PLD1: variants seen among roughly 807,000 people sequenced by gnomAD.
The protein encoded by PLD1 is choline phosphatase 1.
In PLD1, 112 loss-of-function variants were observed where a neutral mutation model predicts 137.1. The ratio of observed to expected loss-of-function variants is 0.82; its 90% confidence interval spans 0.70 to 0.96. The LOEUF (loss-of-function observed/expected upper bound fraction) is 0.96. Ranked by LOEUF, PLD1 falls within the 40% of genes least tolerant of loss-of-function variation. The pLI is 0.00. For missense variants in PLD1, 1,321 were observed against 1,342.0 expected (o/e 0.98, Z 0.24); for synonymous variants, 431 against 454.7 (o/e 0.95, Z 0.66).
At chr3:171,637,393 G>A (rs796188190) in intron 23 of PLD1, among the ~76,000 whole-genome samples, 2 of 139,062 alleles carry the variant, frequency 1.4e-5, no homozygotes, top group South Asian at 2.6e-4. Context: ...ATGCCACCAC[G>A]CCCAGCTAAT....
At chr3:171,712,145 C>T (rs1341950456) in intron 9 of PLD1, among the ~76,000 whole-genome samples, 1 of 152,194 alleles carries the variant, frequency 6.6e-6, no homozygotes, top group African/African-American at 2.4e-5. Flanking sequence ...AACCTGCTTT[C>T]CTCAATATGT....
intron 6 of PLD1, 81 bp downstream of exon 6, chr3:171,733,363 T>C: frequency 1.5e-6 from 1 of 657,694 alleles, no homozygotes; most frequent in Non-Finnish European, 2.8e-6. Flanking sequence ...ATCACTTGTG[T>C]TATTAAAATG....
At chr3:171,697,370 G>A (rs561292954) in intron 12 of PLD1, among the ~76,000 whole-genome samples, 4,504 of 148,876 alleles carry the variant, frequency 0.03, 165 homozygotes, top group African/African-American at 0.09. Context: ...TCAGCCTCCC[G>A]GGTAGCTGGG....
intron 1 of PLD1, among the ~76,000 whole-genome samples, chr3:171,745,362 G>A (rs546732170): frequency 9.2e-5 from 14 of 152,334 alleles, no homozygotes; most frequent in African/African-American, 3.4e-4. Flanking sequence ...GTTGTGAGTG[G>A]TGGGACTGGT....
intron 23 of PLD1, among the ~76,000 whole-genome samples, chr3:171,632,605 C>A (rs1000817197): frequency 6.6e-6 from 1 of 151,860 alleles, no homozygotes; most frequent in African/African-American, 2.4e-5. Flanking sequence ...AAAAAAATCC[C>A]TACATCTATA....
At chr3:171,605,999 T>A (rs554612713) in intron 25 of PLD1, among the ~76,000 whole-genome samples, 1 of 152,326 alleles carries the variant, frequency 6.6e-6, no homozygotes, top group African/African-American at 2.4e-5. Context: ...CTGACTTACA[T>A]ATTAAAATAC....
intron 23 of PLD1, among the ~76,000 whole-genome samples, chr3:171,624,413 T>C (rs1733907792): frequency 1.3e-5 from 2 of 152,164 alleles, no homozygotes; most frequent in African/African-American, 2.4e-5. Flanking sequence ...CTCTCATATA[T>C]TGGTGATGAA....
chr3:171,810,194 G>T (rs562542271), intron 1 of PLD1, among the ~76,000 whole-genome samples: 2 of 152,360 alleles, frequency 1.3e-5, no homozygotes, highest in African/African-American at 4.8e-5. Flanking sequence ...CTTTCACCCT[G>T]CAGGAATTCC....
chr3:171,804,068 T>C (rs1723748948), intron 1 of PLD1, among the ~76,000 whole-genome samples: 1 of 152,164 alleles, frequency 6.6e-6, no homozygotes, highest in Admixed American at 6.5e-5. Flanking sequence ...TAAAACATCA[T>C]CTTCATTTTT....
Position 171,692,410 on chromosome 3 carries a change from G to T in PLD1, c.1260C>A (p.Tyr420Ter). Residue 420 changes from tyrosine (Y) to a stop codon, truncating the protein, a stop_gained, in exon 13 of 27, where the codon TAC becomes TAA. Transcript: ENST00000351298. LOFTEE classifies it high-confidence loss of function. The part of the protein sequence containing the change: ...QQGVRIFIML[Y>*]KEVELALGIN... ...TGCCAAGAGCGAGTTCCACCTCTTT[G>T]TAGAGCATTATGAAGATCCTCACTC... 1 of 1,600,964 alleles carries T rather than the reference G, an allele frequency of 6.2e-7. No homozygotes were observed. Among genetic ancestry groups the T allele is most frequent in the Non-Finnish European group, 8.6e-7 (1 of 1,167,932 alleles).
At chr3:171,762,523 C>T (rs931523692) in intron 1 of PLD1, among the ~76,000 whole-genome samples, 1 of 152,146 alleles carries the variant, frequency 6.6e-6, no homozygotes, top group Admixed American at 6.5e-5. Flanking sequence ...AGAGTGTGAA[C>T]AGAAGTGTAG....
chr3:171,670,180 C>T (rs1712602630), intron 19 of PLD1, among the ~76,000 whole-genome samples: 1 of 2,002 alleles, frequency 5.0e-4, no homozygotes. Flanking sequence ...TTAATGGGTA[C>T]AAACATAGAA....
At chr3:171,712,026 A>G (rs943265546) in intron 9 of PLD1, among the ~76,000 whole-genome samples, 9 of 152,168 alleles carry the variant, frequency 5.9e-5, no homozygotes, top group Admixed American at 5.2e-4. Flanking sequence ...ACTATGCGTG[A>G]GGAGGGAGGT....
intron 1 of PLD1, among the ~76,000 whole-genome samples, chr3:171,747,027 C>T (rs375636191): frequency 4.5e-4 from 68 of 152,094 alleles, no homozygotes; most frequent in Admixed American, 8.5e-4. Context: ...CGAACCCACC[C>T]GGAGAAATGA....
Position 171,719,835 on chromosome 3 carries a change from CATT to C in PLD1, c.758+4858_758+4860del, listed in dbSNP as rs1453558981. On this transcript the variant is annotated intron_variant, in intron 8 of 26. Transcript: ENST00000351298. The stretch of plus-strand genomic sequence containing the variant: ...TTAAAACTCATCTCTCAGATAAGGT[CATT>C]ATGAGACCTAACTGAAAATTCAATT... Among the ~76,000 whole-genome samples the C allele has an allele frequency of 2.0e-5, 3 of 152,114 alleles. No homozygotes were observed. The East Asian group carries it at 5.8e-4, about 29-fold the overall frequency.
intron 1 of PLD1, among the ~76,000 whole-genome samples, chr3:171,781,004 G>A (rs755345614): frequency 2.6e-5 from 4 of 152,106 alleles, no homozygotes; most frequent in Admixed American, 6.5e-5. Flanking sequence ...AGAATATCCA[G>A]AGCAACCATA....
intron 19 of PLD1, among the ~76,000 whole-genome samples, chr3:171,669,226 A>G (rs896723882): frequency 2.0e-5 from 3 of 152,188 alleles, no homozygotes; most frequent in Non-Finnish European, 4.4e-5. Context: ...TATTAAAAAA[A>G]TTAATAACTA....
In PLD1 at chr3:171,688,771, G is replaced by T. The variant is rs199960634; in HGVS notation, c.1444C>A (p.Leu482Met). The T allele has an allele frequency of 1.4e-5, 22 of 1,614,030 alleles. No individual in the cohort carries two copies. The Admixed American group carries it at 3.7e-4, about 27-fold the overall frequency. Residue 482 changes from leucine (L) to methionine (M), a missense_variant, in exon 14 of 27, where the codon CTG (leucine) becomes ATG (methionine). Leu to Met is a conservative substitution (Grantham distance 15). Transcript: ENST00000351298. Reference protein sequence around the residue: ...QSVAFVGGIDLAYGRWDDNEH... With the variant: ...QSVAFVGGIDMAYGRWDDNEH... ...TTGTCGTCCCACCTTCCATAGGCCA[G>T]GTCAATCCCTCCCACAAAGGCCACC...
At position 171,686,709 on chromosome 3, in the gene PLD1, G is replaced by A; in HGVS notation, c.1843C>T (p.Gln615Ter). Residue 615 changes from glutamine to a stop codon, truncating the protein, a stop_gained, in exon 16 of 27, where the codon CAA becomes TAA. Coordinates refer to ENST00000351298, the MANE Select transcript of PLD1 (RefSeq NM_002662.5). LOFTEE classifies it high-confidence loss of function. The part of the protein sequence containing the change: ...KLFHPSSESE[Q>*]GLTRPHADTG... ...CCAGCATGAGGTCTAGTGAGTCCTT[G>A]CTCAGACTCACTGGACGGGTGAAAG... The A allele has an allele frequency of 5.0e-6, 8 of 1,599,618 alleles. No individual in the cohort carries two copies. Among genetic ancestry groups the A allele is most frequent in the Non-Finnish European group, 6.0e-6 (7 of 1,167,914 alleles).
Sources: gnomAD v4.1 joint callset for allele counts (sites outside exome capture counted in the v4.1 genomes callset) on GRCh38, gnomAD v4.1.1 for gene constraint, MANE v1.5 for transcripts, NCBI Gene and HGNC (gene_info 2026-07-23, HGNC 2026-07-21) for gene names.